Variants in TRIP6 observed in about 807,000 individuals in gnomAD.
The protein encoded by TRIP6 is thyroid hormone receptor interactor 6, also known as thyroid receptor-interacting protein 6.
TRIP6 carries 33 observed loss-of-function variants against 51.9 expected under a neutral mutation model. The ratio of observed to expected loss-of-function variants is 0.64; its 90% CI spans 0.48 to 0.85. The LOEUF (loss-of-function observed/expected upper bound fraction) is 0.85. Ranked by LOEUF, TRIP6 falls within the 40% of genes least tolerant of loss-of-function variation. TRIP6 has a pLI of 0.00. For synonymous variants in TRIP6, 255 were observed against 275.8 expected, an observed-to-expected ratio of 0.92 and a Z score of 0.75; for missense variants, 661 against 652.1, an observed-to-expected ratio of 1.01 and a Z score of -0.15.
chr7:100,868,254 C>G (rs537757095), intron 3 of TRIP6, 21 bp downstream of exon 3: 1 of 1,602,792 alleles, frequency 6.2e-7, no homozygotes, highest in Non-Finnish European at 8.5e-7. Context: ...CCCTCCTCCC[C>G]GTCAGCACCC....
rs191254414 is a variant in TRIP6 at position 100,871,151 on chromosome 7, C to T, written c.1000-392C>T. 1.3e-3 allele frequency: 620 copies of T among 484,178 alleles called. 1 individual carries two copies. The highest frequency in any genetic ancestry group is 9.8e-3 in the African/African-American group (504 of 51,446). The allele number at this position is 484,178 out of a possible 1,614,324, so 30.0% of individuals were successfully genotyped here. On this transcript the variant is annotated intron_variant, in intron 6 of 8. Transcript: ENST00000200457. ...CCTGGTTCAAGCGATTCTCATGCCT[C>T]AGGCTCCCGAGCAGTTGGGATTACA...
rs144718333 is a variant in TRIP6, at chr7:100,870,451, G to A, written c.817G>A (p.Gly273Arg). 2.4e-5 allele frequency: 38 copies of A among 1,613,400 alleles called. No individual in the cohort carries two copies. Among genetic ancestry groups the A allele is most frequent in the Admixed American group, 8.3e-5 (5 of 59,972 alleles). ...TCACGACATGAACCACCCGCCCAGC[G>A]GGGAGTACTTTGGTGAGCTGAGGCT... ...LVHDMNHPPS[G>R]EYFGQCGGCG... The change falls in exon 5 of 9, where the codon GGG becomes AGG. Residue 273 changes from glycine (G) to arginine (R), a missense_variant. Transcript: ENST00000200457.
rs1055906393 is a variant in TRIP6, at chr7:100,870,839, C to T, written c.999+96C>T. ...AGAGCGTCCAAGACCAAAGGAGGAA[C>T]GGTGCTAAAAGCCAGGCGACTGAAA... On this transcript the variant is annotated intron_variant, in intron 6 of 8. Coordinates refer to ENST00000200457, the MANE Select transcript of TRIP6 (RefSeq NM_003302.3). 20 of 1,465,280 alleles carry T rather than the reference C, an allele frequency of 1.4e-5. No individual in the cohort carries two copies. The Admixed American group carries it at 1.4e-4, about 10-fold the overall frequency. 90.8% of individuals were successfully genotyped at this position (1,465,280 alleles called of 1,614,324 possible).
chr7:100,871,064 C>T (rs768642679), intron 6 of TRIP6: 8 of 526,716 alleles, frequency 1.5e-5, no homozygotes, highest in Admixed American at 2.3e-5. Flanking sequence ...GAGACAGTCT[C>T]GCTCTGTTGC....
Position 100,867,486 on chromosome 7 carries a change from C to A in TRIP6, c.-12C>A. 1 of 1,459,604 alleles carries A rather than the reference C, an allele frequency of 6.9e-7. No homozygotes were observed. Among genetic ancestry groups the A allele is most frequent in the Non-Finnish European group, 9.0e-7 (1 of 1,105,684 alleles). The allele number at this position is 1,459,604 out of a possible 1,614,324, so 90.4% of individuals were successfully genotyped here. A position where few individuals can be genotyped will look rare whatever the true frequency, so the allele number is the denominator to read the frequency against. ...CTTCAAGACCGCTGTCTGGAGTCCC[C>A]CTTTCCAGGCCATGTCGGGGCCCAC... On this transcript the variant is annotated 5_prime_UTR_variant, in exon 1 of 9. Transcript: ENST00000200457. The surrounding 1 kb of genome is among the most constrained non-coding windows in gnomAD (Gnocchi z 5.4).
At chr7:100,871,849 TTTTAGAGACGGAG>T (rs1815278730) in intron 7 of TRIP6, 128 bp downstream of exon 7, 1 of 1,248,818 alleles carries the variant, frequency 8.0e-7, no homozygotes, top group Non-Finnish European at 1.1e-6. Flanking sequence ...TATTGTTATT[TTTTAGAGACGGAG>T]TTTCACTCTG....
intron 7 of TRIP6, 44 bp from the exon 8 acceptor site, chr7:100,872,580 C>T (rs753763346): frequency 4.3e-6 from 7 of 1,609,940 alleles, no homozygotes; most frequent in South Asian, 2.2e-5. Context: ...TGGTGCCCTG[C>T]AACCCCAAGG....
intron 7 of TRIP6, 126 bp from the exon 8 acceptor site, chr7:100,872,498 C>T: frequency 7.0e-7 from 1 of 1,423,876 alleles, no homozygotes; most frequent in South Asian, 1.4e-5. Flanking sequence ...TCGTCCCTTC[C>T]CCAAGACCTA....
At position 100,867,807 on chromosome 7, in the gene TRIP6, A is replaced by G. The variant is rs1815174930; in HGVS notation, c.110-54A>G. On this transcript the variant is annotated intron_variant, in intron 1 of 8. Coordinates refer to ENST00000200457, the MANE Select transcript of TRIP6 (RefSeq NM_003302.3). This position sits in a 1 kb window ranked among gnomAD's most constrained non-coding sequence, Gnocchi z 5.4. ...GCGGAGAGGGTGGCTCCTCAAATAT[A>G]CACCCCTCCTGTCCTCCGCCACCCC... The G allele has an allele frequency of 6.6e-7, 1 of 1,524,948 alleles. No individual in the cohort carries two copies. The highest frequency in any genetic ancestry group is 1.4e-5 in the African/African-American group (1 of 70,830). 94.5% of individuals were successfully genotyped at this position (1,524,948 alleles called of 1,614,324 possible).
Position 100,873,265 on chromosome 7 carries a change from A to T in TRIP6, c.1393A>T (p.Ile465Phe). The change falls in exon 9 of 9, where the codon ATC becomes TTC. Residue 465 changes from isoleucine to phenylalanine, a missense_variant. By Grantham distance (21) the Ile-to-Phe change is conservative (BLOSUM62 0). Transcript: ENST00000200457. ...ILCKACSAWR[I>F]QELSATVTTD... ...GTGCAAGGCCTGCAGCGCCTGGCGC[A>T]TCCAGGAGCTCTCAGCCACCGTCAC... 1 of 1,612,614 alleles carries T rather than the reference A, an allele frequency of 6.2e-7. No individual in the cohort carries two copies. Among genetic ancestry groups the T allele is most frequent in the Non-Finnish European group, 8.5e-7 (1 of 1,178,870 alleles).
At chr7:100,871,770 T>C in intron 7 of TRIP6, 49 bp downstream of exon 7, 9 of 1,590,438 alleles carry the variant, frequency 5.7e-6, no homozygotes, top group Non-Finnish European at 7.7e-6. Context: ...CTTTCCTGTC[T>C]CTCTCATCTC....
rs1247232280 is a variant in TRIP6, at chr7:100,871,525, T to C, written c.1000-18T>C. On this transcript the variant is annotated intron_variant, in intron 6 of 8. Coordinates refer to ENST00000200457, the MANE Select transcript of TRIP6 (RefSeq NM_003302.3). ...GCTCCCGCCCGCTCCCAGATCTTCC[T>C]GCCTTCCTTCCCAACAGGCCACCCT... 4 of 1,609,508 alleles carry C rather than the reference T, an allele frequency of 2.5e-6. No individual in the cohort carries two copies. The highest frequency in any genetic ancestry group is 3.3e-5 in the Admixed American group (2 of 59,934).
At chr7:100,868,021 G>T in intron 2 of TRIP6, 33 bp downstream of exon 2, 1 of 1,521,068 alleles carries the variant, frequency 6.6e-7, no homozygotes, top group South Asian at 1.3e-5. Context: ...GGGACATGTG[G>T]GATCCCCCAG....
intron 3 of TRIP6, 118 bp downstream of exon 3, chr7:100,868,351 A>G: frequency 1.3e-6 from 2 of 1,566,632 alleles, no homozygotes; most frequent in South Asian, 1.2e-5. Context: ...GCGTGGCTGC[A>G]AGTACCAACA....
chr7:100,869,444 C>G (rs2115621659), intron 4 of TRIP6, among the ~76,000 whole-genome samples: 1 of 149,968 alleles, frequency 6.7e-6, no homozygotes, highest in Non-Finnish European at 1.5e-5. Flanking sequence ...ACCACACTGA[C>G]CAACATGGAG....
chr7:100,868,027 C>T, intron 2 of TRIP6, 39 bp downstream of exon 2: 3 of 1,534,920 alleles, frequency 2.0e-6, no homozygotes, highest in South Asian at 1.3e-5. Context: ...TGTGGGATCC[C>T]CCAGAACCGA....
At position 100,868,635 on chromosome 7, in the gene TRIP6, C is replaced by G. The variant is rs776516634; in HGVS notation, c.504C>G (p.Phe168Leu). Residue 168 changes from phenylalanine to leucine, a missense_variant, in exon 4 of 9, where the codon TTC becomes TTG. Coordinates refer to ENST00000200457, the MANE Select transcript of TRIP6 (RefSeq NM_003302.3). The part of the protein sequence containing the change: ...TTASTPAGPA[F>L]PVQVKVAQPV... Reference sequence around the variant, plus strand: ...CCAGCACCCCGGCTGGCCCAGCCTTCCCCGTGCAAGTGAAGGTGGCACAGC... The same window carrying G: ...CCAGCACCCCGGCTGGCCCAGCCTTGCCCGTGCAAGTGAAGGTGGCACAGC... 6.2e-6 allele frequency: 10 copies of G among 1,611,862 alleles called. No individual in the cohort carries two copies. The highest frequency in any genetic ancestry group is 1.6e-4 in the Middle Eastern group (1 of 6,074).
At chr7:100,869,572 C>T (rs1424378097) in intron 4 of TRIP6, among the ~76,000 whole-genome samples, 8 of 134,536 alleles carry the variant, frequency 5.9e-5, no homozygotes, top group East Asian at 4.7e-4. Context: ...GTGGAGGTTG[C>T]GGTGAGCCGA....
chr7:100,870,999 C>A lies in TRIP6; in HGVS notation c.999+256C>A, dbSNP rs1050910803. On this transcript the variant is annotated intron_variant, in intron 6 of 8. Coordinates refer to ENST00000200457, the MANE Select transcript of TRIP6 (RefSeq NM_003302.3). ...GAGAATGTGTTAGATTCCCATGACACCCCTGTGAGGCAGGTATTACTACTG... is the reference window on the plus strand; with the variant it reads ...GAGAATGTGTTAGATTCCCATGACAACCCTGTGAGGCAGGTATTACTACTG... 5.9e-5 allele frequency: 39 copies of A among 663,988 alleles called. No individual in the cohort carries two copies. In the Admixed American group the frequency reaches 6.1e-4, roughly 10 times the overall value. 41.1% of individuals were successfully genotyped at this position (663,988 alleles called of 1,614,324 possible). A position where few individuals can be genotyped will look rare whatever the true frequency, so the allele number is the denominator to read the frequency against.
Sources: allele counts gnomAD v4.1 joint callset (sites outside exome capture counted in the v4.1 genomes callset), GRCh38; gene constraint gnomAD v4.1.1; non-coding constraint Gnocchi (gnomAD v3.1); transcripts MANE v1.5; gene names NCBI Gene and HGNC (gene_info 2026-07-23, HGNC 2026-07-21).